The following MEGF10 variants were observed in gnomAD, a reference collection of about 807,000 sequenced individuals.
MEGF10 encodes multiple epidermal growth factor-like domains protein 10.
In MEGF10, 86 loss-of-function variants were observed where a neutral mutation model predicts 147.5. The observed-to-expected ratio is 0.58, with a 90% CI of 0.49 to 0.70. MEGF10 has a LOEUF of 0.70. Among genes scored for constraint, MEGF10 ranks in the 30% least tolerant of loss-of-function variants. MEGF10 has a pLI of 0.00. For missense variants in MEGF10, 1,329 were observed against 1,487.3 expected (o/e 0.89, Z 1.75); for synonymous variants, 478 against 525.5 (o/e 0.91, Z 1.24).
chr5:127,288,050 G>A (rs1222293307), upstream of MEGF10, among the ~76,000 whole-genome samples: 2 of 152,044 alleles, frequency 1.3e-5, no homozygotes, highest in Non-Finnish European at 2.9e-5. Flanking sequence ...TATCCATGTA[G>A]ACAATAATGA....
Position 127,315,227 on chromosome 5 carries a change from GT to G in MEGF10, c.-18-16058del, listed in dbSNP as rs151063457. Among the ~76,000 whole-genome samples, 683 of 151,984 alleles carry G rather than the reference GT, an allele frequency of 4.5e-3. 5 individuals carry two copies. Among genetic ancestry groups the G allele is most frequent in the African/African-American group, 0.016 (667 of 41,426 alleles). On this transcript the variant is annotated intron_variant, in intron 1 of 24. Transcript: ENST00000503335. Reference sequence around the variant, plus strand: ...TATCAGAACCTGCTTAAAATTAAAGGTTTTTTCCCCATAAAAACTGTAATTA... The same window carrying G: ...TATCAGAACCTGCTTAAAATTAAAGGTTTTTCCCCATAAAAACTGTAATTA...
At chr5:127,266,995 G>A in the MEGF10 span, among the ~76,000 whole-genome samples, 1 of 152,188 alleles carries the variant, frequency 6.6e-6, no homozygotes. Context: ...TCCCTGTCTT[G>A]TGCCAGTTTT....
intron 16 of MEGF10, among the ~76,000 whole-genome samples, chr5:127,436,191 C>G (rs1015935252): frequency 1.3e-5 from 2 of 152,144 alleles, no homozygotes; most frequent in African/African-American, 4.8e-5. Context: ...TTGAATTCCC[C>G]CATCATGCAC....
At chr5:127,250,599 C>T in the MEGF10 span, among the ~76,000 whole-genome samples, 1,567 of 152,028 alleles carry the variant, frequency 0.01, 13 homozygotes, top group Middle Eastern at 0.031. Context: ...AAGTTAGAGA[C>T]AAGATAAACT....
At chr5:127,419,948 CAAGGCGTTTCTAAAGAG>C in intron 11 of MEGF10, 79 bp from the exon 12 acceptor site, 2 of 1,403,992 alleles carry the variant, frequency 1.4e-6, no homozygotes, top group African/African-American at 1.4e-5. Flanking sequence ...CTTGCATCTC[CAAGGCGTTTCTAAAGAG>C]AAACGTGGTT....
intron 5 of MEGF10, among the ~76,000 whole-genome samples, chr5:127,388,182 T>C (rs1257644578): frequency 6.6e-6 from 1 of 152,186 alleles, no homozygotes. Context: ...AGGATCTCAC[T>C]CTGTCACCCA....
At position 127,445,552 on chromosome 5, in the gene MEGF10, A is replaced by G. The variant is rs148862988; in HGVS notation, c.2587A>G (p.Ile863Val). 1.4e-5 allele frequency: 22 copies of G among 1,613,960 alleles called. No individual in the cohort carries two copies. Among genetic ancestry groups the G allele is most frequent in the Non-Finnish European group, 1.8e-5 (21 of 1,180,004 alleles). ...SYQIGAIAGI[I>V]ILVLVVLFLL... The stretch of plus-strand genomic sequence containing the variant: ...CCAGATCGGGGCCATTGCAGGCATC[A>G]TCATTCTTGTCCTAGTTGTTCTCTT... Residue 863 changes from isoleucine to valine, a missense_variant, in exon 20 of 25, where the codon ATC (isoleucine) becomes GTC (valine). Physicochemically the swap from Ile to Val is conservative, Grantham distance 29. Around this residue, in one of 3 missense-constraint regions of MEGF10, gnomAD observed 343 missense variants for 377.9 expected, o/e 0.91. Transcript: ENST00000503335.
the MEGF10 span, among the ~76,000 whole-genome samples, chr5:127,254,919 A>G: frequency 6.6e-6 from 1 of 151,496 alleles, no homozygotes; most frequent in Non-Finnish European, 1.5e-5. Context: ...GTGGTATTGC[A>G]GTAGAGAAAG....
In MEGF10 at chr5:127,459,177, C is replaced by G. The variant is rs1469625909; in HGVS notation, c.*1859C>G. On this transcript the variant is annotated 3_prime_UTR_variant, in exon 25 of 25. Transcript: ENST00000503335. The stretch of plus-strand genomic sequence containing the variant: ...AGTGCACATAAGTGATTATCCCTGC[C>G]AGGTATCGAGTTGGAATATCCAGTT... 3 of 152,164 alleles carry G rather than the reference C, an allele frequency of 2.0e-5. No individual in the cohort carries two copies. The highest frequency in any genetic ancestry group is 2.9e-5 in the Non-Finnish European group (2 of 68,036). The allele number at this position is 152,164 out of a possible 1,614,324, so 9.4% of individuals were successfully genotyped here. A position where few individuals can be genotyped will look rare whatever the true frequency, so the allele number is the denominator to read the frequency against.
At chr5:127,399,054 C>T (rs886508946) in intron 7 of MEGF10, among the ~76,000 whole-genome samples, 2 of 152,102 alleles carry the variant, frequency 1.3e-5, no homozygotes, top group African/African-American at 4.8e-5. Context: ...TCCTGCATTT[C>T]CCTTAAGGAT....
the MEGF10 span, among the ~76,000 whole-genome samples, chr5:127,259,891 T>C: frequency 6.6e-6 from 1 of 152,148 alleles, no homozygotes. Context: ...GCACGGTGGC[T>C]CATGCCTGTA....
chr5:127,460,422 A>G lies in MEGF10; in HGVS notation c.*3104A>G, dbSNP rs1299062009. 1 of 152,196 alleles carries G rather than the reference A, an allele frequency of 6.6e-6. No individual in the cohort carries two copies. The highest frequency in any genetic ancestry group is 1.5e-5 in the Non-Finnish European group (1 of 68,020). The allele number at this position is 152,196 out of a possible 1,614,324, so 9.4% of individuals were successfully genotyped here. A position where few individuals can be genotyped will look rare whatever the true frequency, so the allele number is the denominator to read the frequency against. ...TAGTAATGTTAACAGAGAGTTTAAT[A>G]TGTTTAGCATTATCTTTATGGAATT... On this transcript the variant is annotated 3_prime_UTR_variant, in exon 25 of 25. Coordinates refer to ENST00000503335, the MANE Select transcript of MEGF10 (RefSeq NM_001256545.2).
At chr5:127,297,755 C>T (rs1461743282) in intron 1 of MEGF10, among the ~76,000 whole-genome samples, 1 of 152,120 alleles carries the variant, frequency 6.6e-6, no homozygotes, top group East Asian at 1.9e-4. Context: ...TTAAAGGAAC[C>T]CTTCACATTA....
chr5:127,353,043 G>T (rs1379587793), intron 4 of MEGF10, among the ~76,000 whole-genome samples: 2 of 152,208 alleles, frequency 1.3e-5, no homozygotes, highest in South Asian at 4.1e-4. Flanking sequence ...TCTGCAGTTT[G>T]CAGGGATGAT....
At chr5:127,434,572 T>A (rs1765492354) in intron 14 of MEGF10, 115 bp from the exon 15 acceptor site, 1 of 1,146,410 alleles carries the variant, frequency 8.7e-7, no homozygotes. Context: ...GTATCTTTTT[T>A]ACTTTTTTTT....
chr5:127,415,343 T>C (rs79263536), intron 9 of MEGF10, among the ~76,000 whole-genome samples: 2,813 of 152,302 alleles, frequency 0.018, 54 homozygotes, highest in South Asian at 0.078. Context: ...ACTGTAGCTA[T>C]ATTAAACAGT....
intron 4 of MEGF10, among the ~76,000 whole-genome samples, chr5:127,363,719 A>C (rs1224711997): frequency 6.6e-6 from 1 of 152,168 alleles, no homozygotes; most frequent in Non-Finnish European, 1.5e-5. Context: ...CCCTTAAATG[A>C]CACGAAAGCC....
At chr5:127,359,071 T>C (rs1862283) in intron 4 of MEGF10, among the ~76,000 whole-genome samples, 5 of 151,984 alleles carry the variant, frequency 3.3e-5, no homozygotes, top group Admixed American at 2.6e-4. Context: ...TTTTTTTTTT[T>C]CTGTATGAGT....
intron 9 of MEGF10, among the ~76,000 whole-genome samples, chr5:127,412,927 A>T (rs755100196): frequency 1.8e-4 from 28 of 152,184 alleles, no homozygotes; most frequent in Admixed American, 6.5e-5. Flanking sequence ...TCCAGTATCT[A>T]GCAGGCTAGC....
Sources: allele counts gnomAD v4.1 joint callset (sites outside exome capture counted in the v4.1 genomes callset), GRCh38; gene constraint gnomAD v4.1.1; regional missense constraint gnomAD v4.1.1; transcripts MANE v1.5; gene names NCBI Gene and HGNC (gene_info 2026-07-23, HGNC 2026-07-21).